The following ZSCAN32 variants were observed in gnomAD, a reference collection of about 807,000 sequenced individuals.
ZSCAN32 encodes zinc finger and SCAN domain-containing protein 32.
ZSCAN32 carries 52 observed loss-of-function variants against 47.4 expected under a neutral mutation model. The observed-to-expected ratio is 1.10, with a 90% CI of 0.88 to 1.38. ZSCAN32 has a LOEUF of 1.38. Ranked by LOEUF, ZSCAN32 falls within the 40% of genes most tolerant of loss-of-function variation. The pLI is 0.00. For synonymous variants in ZSCAN32, 346 were observed against 305.7 expected (o/e 1.13, Z -1.38); for missense variants, 959 against 846.0 (o/e 1.13, Z -1.66).
intron 5 of ZSCAN32, among the ~76,000 whole-genome samples, chr16:3,387,303 G>T (rs188543288): frequency 3.3e-5 from 5 of 152,312 alleles, no homozygotes; most frequent in East Asian, 1.9e-4. Flanking sequence ...GGAGCTGGTT[G>T]TAACGATATA....
chr16:3,397,054 G>A, intron 2 of ZSCAN32, 138 bp downstream of exon 2: 2 of 1,042,342 alleles, frequency 1.9e-6, no homozygotes, highest in South Asian at 3.5e-5. Flanking sequence ...AAGGGCATAG[G>A]ACCAATCCAA....
At position 3,397,675 on chromosome 16, in the gene ZSCAN32, T is replaced by C; in HGVS notation, c.-118A>G. The C allele has an allele frequency of 7.4e-7, 1 of 1,348,414 alleles. No individual in the cohort carries two copies. The highest frequency in any genetic ancestry group is 9.8e-7 in the Non-Finnish European group (1 of 1,018,250). The allele number at this position is 1,348,414 out of a possible 1,614,324, so 83.5% of individuals were successfully genotyped here. On this transcript the variant is annotated 5_prime_UTR_variant, in exon 2 of 7. Coordinates refer to ENST00000396852, the MANE Select transcript of ZSCAN32 (RefSeq NM_001284527.2). ...GCAAGGAATGTCTTTCTGTAATCCG[T>C]GGGACATGAGAGTGTCAGACATGTG... is the stretch of plus-strand genomic sequence containing the variant.
At chr16:3,387,495 T>A (rs1307087710) in intron 5 of ZSCAN32, among the ~76,000 whole-genome samples, 1 of 152,204 alleles carries the variant, frequency 6.6e-6, no homozygotes, top group Non-Finnish European at 1.5e-5. Context: ...TAAATAACCC[T>A]CACCACACAC....
At chr16:3,390,767 C>T (rs1305819850) in intron 3 of ZSCAN32, among the ~76,000 whole-genome samples, 2 of 152,304 alleles carry the variant, frequency 1.3e-5, no homozygotes, top group Admixed American at 6.5e-5. Context: ...CCACTGCCAG[C>T]GCTCACGGCC....
In ZSCAN32 at chr16:3,383,183, T is replaced by C; in HGVS notation, c.1763A>G (p.Gln588Arg). ...CTGGTGGACAATGAGGCTGGAACTC[T>C]GGTTGAAGCTTTTCCCACATTGCCC... ...QCGQCGKSFN[Q>R]SSSLIVHQRT... is the part of the protein sequence containing the mutation. The change falls in exon 7 of 7, where the codon CAG (glutamine) becomes CGG (arginine). Residue 588 changes from glutamine to arginine, a missense_variant. Physicochemically the swap from Gln to Arg is conservative, Grantham distance 43 (BLOSUM62 1). Coordinates refer to ENST00000396852, the MANE Select transcript of ZSCAN32 (RefSeq NM_001284527.2). 1 of 1,614,194 alleles carries C rather than the reference T, an allele frequency of 6.2e-7. No individual in the cohort carries two copies. Among genetic ancestry groups the C allele is most frequent in the Non-Finnish European group, 8.5e-7 (1 of 1,180,022 alleles).
At chr16:3,394,001 G>A (rs1051125918) in intron 2 of ZSCAN32, among the ~76,000 whole-genome samples, 187 bp from the exon 3 acceptor site, 5 of 152,278 alleles carry the variant, frequency 3.3e-5, no homozygotes, top group South Asian at 2.1e-4. Context: ...AGTAGCTTAC[G>A]CCTGTAATCC....
intron 2 of ZSCAN32, among the ~76,000 whole-genome samples, chr16:3,396,825 T>A (rs773344414): frequency 5.3e-5 from 8 of 152,238 alleles, no homozygotes; most frequent in Non-Finnish European, 1.0e-4. Flanking sequence ...CATGTCACTC[T>A]GCCCTCAAAG....
chr16:3,384,931 C>G lies in ZSCAN32; in HGVS notation c.762G>C (p.Val254=). ...TCTTGGTCTCTTCATAGCCCCAGGG[C>G]ACACCTGTTGCTGGGGGACAAAGAA... The part of the protein sequence containing the change: ...KDSHVSLATG[V]PWGYEETKTL... Residue 254 remains valine, a synonymous_variant, in exon 6 of 7, where the codon GTG becomes GTC. Coordinates refer to ENST00000396852, the MANE Select transcript of ZSCAN32 (RefSeq NM_001284527.2). 6.2e-7 allele frequency: 1 copy of G among 1,611,764 alleles called. No homozygotes were observed. The highest frequency in any genetic ancestry group is 1.1e-5 in the South Asian group (1 of 91,000).
chr16:3,393,242 T>TATAAATAA (rs1567320152), intron 3 of ZSCAN32, among the ~76,000 whole-genome samples: 1 of 10,986 alleles, frequency 9.1e-5, no homozygotes, highest in African/African-American at 5.9e-4. Context: ...TTATATATTT[T>TATAAATAA]ATATATATAT....
Position 3,382,940 on chromosome 16 carries a change from C to G in ZSCAN32, c.2006G>C (p.Gly669Ala). ...GGTGAGGGCAGAGTTCTTAGTGAAG[C>G]CTCTCTCACAGTGAGAACACCTGTA... ...KPYRCSHCERGFTKNSALTRH... is the reference protein window; with the variant it reads ...KPYRCSHCERAFTKNSALTRH... Residue 669 changes from glycine (G) to alanine (A), a missense_variant, in exon 7 of 7, where the codon GGC becomes GCC. Transcript: ENST00000396852. 1 of 1,613,556 alleles carries G rather than the reference C, an allele frequency of 6.2e-7. No homozygotes were observed. The highest frequency in any genetic ancestry group is 1.1e-5 in the South Asian group (1 of 91,042).
In ZSCAN32 at chr16:3,382,997, G is replaced by A; in HGVS notation, c.1949C>T (p.Ala650Val). 7 of 1,614,038 alleles carry A rather than the reference G, an allele frequency of 4.3e-6. No individual in the cohort carries two copies. The highest frequency in any genetic ancestry group is 5.9e-6 in the Non-Finnish European group (7 of 1,179,962). ...KIFNNSSHFS[A>V]HRKTHTGEKP... ...TTCACCAGTGTGGGTTTTTCGGTGG[G>A]CACTGAAGTGGGAGCTATTGTTGAA... Residue 650 changes from alanine to valine, a missense_variant, in exon 7 of 7, where the codon GCC (alanine) becomes GTC (valine). By Grantham distance (64) the Ala-to-Val change is moderately conservative (BLOSUM62 0). Transcript: ENST00000396852.
chr16:3,399,792 G>C (rs1222031725), intron 1 of ZSCAN32, among the ~76,000 whole-genome samples: 3 of 152,084 alleles, frequency 2.0e-5, no homozygotes, highest in Non-Finnish European at 4.4e-5. Flanking sequence ...TTTTTGTAGA[G>C]GTGGAGTTTC....
At chr16:3,400,236 A>T (rs1567333778) in intron 1 of ZSCAN32, among the ~76,000 whole-genome samples, 1 of 152,188 alleles carries the variant, frequency 6.6e-6, no homozygotes, top group African/African-American at 2.4e-5. Context: ...AATCAAGGGC[A>T]TTATTATTGT....
chr16:3,397,538 C>T lies in ZSCAN32; in HGVS notation c.20G>A (p.Ser7Asn). 4 of 1,542,944 alleles carry T rather than the reference C, an allele frequency of 2.6e-6. No homozygotes were observed. Among genetic ancestry groups the T allele is most frequent in the Non-Finnish European group, 2.6e-6 (3 of 1,141,844 alleles). Residue 7 changes from serine (S) to asparagine (N), a missense_variant, in exon 2 of 7, where the codon AGT (serine) becomes AAT (asparagine). Transcript: ENST00000396852. MMAAVK[S>N]TEAHPSSNKD... is the part of the protein sequence containing the mutation. ...GTTTGAGGATGGGTGTGCCTCGGTA[C>T]TCTTCACTGCAGCCATCATTTGCTT...
At chr16:3,400,264 C>T (rs909298159) in intron 1 of ZSCAN32, among the ~76,000 whole-genome samples, 1 of 152,032 alleles carries the variant, frequency 6.6e-6, no homozygotes, top group Non-Finnish European at 1.5e-5. Context: ...GCTTTCTAGC[C>T]AAAAAGAAAC....
chr16:3,388,322 G>A (rs1421238063), intron 5 of ZSCAN32, among the ~76,000 whole-genome samples: 1 of 152,148 alleles, frequency 6.6e-6, no homozygotes, highest in African/African-American at 2.4e-5. Flanking sequence ...TGGCTGCATA[G>A]CTCATCCCTC....
At chr16:3,393,574 C>G (rs2033070168) in intron 3 of ZSCAN32, 75 bp downstream of exon 3, 1 of 1,382,348 alleles carries the variant, frequency 7.2e-7, no homozygotes, top group African/African-American at 1.5e-5. Context: ...CTTGGGTGGA[C>G]TCAGTTCAGA....
chr16:3,387,498 C>T (rs2032155288), intron 5 of ZSCAN32, among the ~76,000 whole-genome samples: 1 of 152,246 alleles, frequency 6.6e-6, no homozygotes, highest in Admixed American at 6.5e-5. Flanking sequence ...ATAACCCTCA[C>T]CACACACACC....
intron 5 of ZSCAN32, among the ~76,000 whole-genome samples, chr16:3,385,566 A>C (rs977590285): frequency 2.0e-5 from 3 of 152,334 alleles, no homozygotes; most frequent in South Asian, 4.1e-4. Context: ...ACAGTAACCA[A>C]AACAGCATGG....
Sources: allele counts gnomAD v4.1 joint callset (sites outside exome capture counted in the v4.1 genomes callset), GRCh38; gene constraint gnomAD v4.1.1; transcripts MANE v1.5; gene names NCBI Gene and HGNC (gene_info 2026-07-23, HGNC 2026-07-21).